Variants in PCMTD1 observed in about 807,000 individuals in gnomAD.
PCMTD1 encodes protein-L-isoaspartate (D-aspartate) O-methyltransferase domain containing 1.
A neutral mutation model predicts 37.6 loss-of-function variants in PCMTD1; 12 were observed. The observed-to-expected ratio is 0.32, with a 90% CI of 0.20 to 0.52. The LOEUF (loss-of-function observed/expected upper bound fraction) is 0.52, where lower values mean the gene tolerates loss of function less well. Ranked by LOEUF, PCMTD1 falls within the 20% of genes least tolerant of loss-of-function variation. The probability of loss-of-function intolerance (pLI) is 0.97; values close to 1 mark genes in which losing one functional copy is unlikely to be tolerated. For missense variants in PCMTD1, 235 were observed against 421.3 expected (o/e 0.56, Z 3.87); for synonymous variants, 117 against 135.8 (o/e 0.86, Z 0.96).
intron 5 of PCMTD1, among the ~76,000 whole-genome samples, chr8:51,821,712 A>G (rs1048304510): frequency 2.0e-5 from 3 of 151,864 alleles, no homozygotes; most frequent in African/African-American, 7.3e-5. Flanking sequence ...AACGCCAATG[A>G]TATGATAGAA....
intron 2 of PCMTD1, chr8:51,849,912 A>G (rs1006449897): frequency 1.6e-6 from 1 of 613,196 alleles, no homozygotes; most frequent in Non-Finnish European, 2.9e-6. Context: ...CAGACCAAGG[A>G]AACCTGAGAG....
chr8:51,820,780 A>AT (rs35006940), intron 5 of PCMTD1, 62 bp from the exon 6 acceptor site: 1,153,143 of 1,359,846 alleles, frequency 0.85, 506,792 homozygotes, highest in Non-Finnish European at 0.9. Context: ...TCTATTGTTT[A>AT]TTTTTTTCAT....
intron 1 of PCMTD1, among the ~76,000 whole-genome samples, chr8:51,863,162 T>G (rs1366702596): frequency 6.6e-6 from 1 of 152,208 alleles, no homozygotes; most frequent in African/African-American, 2.4e-5. Context: ...GTATCCAGTG[T>G]GGCATTTGCC....
At chr8:51,896,366 T>C (rs1279939802) in intron 1 of PCMTD1, 2 of 152,226 alleles carry the variant, frequency 1.3e-5, no homozygotes, top group African/African-American at 4.8e-5. Flanking sequence ...CCAAATATTT[T>C]AAAATACCAA....
At chr8:51,856,217 A>T (rs2038386138) in intron 2 of PCMTD1, among the ~76,000 whole-genome samples, 1 of 152,204 alleles carries the variant, frequency 6.6e-6, no homozygotes, top group Non-Finnish European at 1.5e-5. Context: ...TTGACTAGTC[A>T]TGTCACCAAA....
intron 3 of PCMTD1, among the ~76,000 whole-genome samples, chr8:51,843,766 G>C (rs1252926544): frequency 2.6e-5 from 4 of 152,086 alleles, no homozygotes; most frequent in Non-Finnish European, 5.9e-5. Context: ...CAATAAGCTT[G>C]AGCTCCACAG....
At position 51,831,337 on chromosome 8, in the gene PCMTD1, A is replaced by C. The variant is rs559767252; in HGVS notation, c.706+107T>G. 6.1e-6 allele frequency: 7 copies of C among 1,141,590 alleles called. No individual in the cohort carries two copies. The South Asian group carries it at 1.3e-4, about 21-fold the overall frequency. 70.7% of individuals were successfully genotyped at this position (1,141,590 alleles called of 1,614,324 possible). On this transcript the variant is annotated intron_variant, in intron 5 of 5. Coordinates refer to ENST00000522514, the MANE Select transcript of PCMTD1 (RefSeq NM_052937.4). ...GTTGAATAAATCCACCAAATATCTT[A>C]CTGCATAAGTATTTAATTCTTCATA...
chr8:51,865,762 G>T (rs1305603287), intron 1 of PCMTD1, among the ~76,000 whole-genome samples: 1 of 151,614 alleles, frequency 6.6e-6, no homozygotes, highest in Non-Finnish European at 1.5e-5. Context: ...TCAGGAATAA[G>T]GATTTCTATT....
Position 51,817,871 on chromosome 8 carries a change from T to TA in PCMTD1, c.*2479dup, listed in dbSNP as rs1398580681. 6.6e-6 allele frequency: 3 copies of TA among 456,692 alleles called. No individual in the cohort carries two copies. The highest frequency in any genetic ancestry group is 6.0e-5 in the African/African-American group (3 of 50,114). The allele number at this position is 456,692 out of a possible 1,614,324, so 28.3% of individuals were successfully genotyped here. ...TAGAAGCTATCTTAGGCCCTGTCTC[T>TA]AACTCACTGTATGTTTCAGGCAAAA... On this transcript the variant is annotated 3_prime_UTR_variant, in exon 6 of 6. Transcript: ENST00000522514.
chr8:51,831,025 G>A (rs1013305392), intron 5 of PCMTD1, among the ~76,000 whole-genome samples: 5 of 151,720 alleles, frequency 3.3e-5, no homozygotes, highest in African/African-American at 1.2e-4. Context: ...GGCCCAGTGC[G>A]GGTGGCTCAC....
intron 1 of PCMTD1, among the ~76,000 whole-genome samples, chr8:51,886,972 T>TC (rs398112465): frequency 1.4e-5 from 2 of 143,454 alleles, no homozygotes; most frequent in East Asian, 2.1e-4. Flanking sequence ...TTTTTTTTTT[T>TC]CTCTCTTGCC....
In PCMTD1 at chr8:51,818,557, A is replaced by G. The variant is rs2037795925; in HGVS notation, c.*1794T>C. On this transcript the variant is annotated 3_prime_UTR_variant, in exon 6 of 6. Coordinates refer to ENST00000522514, the MANE Select transcript of PCMTD1 (RefSeq NM_052937.4). ...TCAAAATAAAATGAGCATTTCTGAC[A>G]GATGACAACAGTATGAAACTGATTT... 6.6e-6 allele frequency: 1 copy of G among 152,446 alleles called. No individual in the cohort carries two copies. The highest frequency in any genetic ancestry group is 6.5e-5 in the Admixed American group (1 of 15,298). The allele number at this position is 152,446 out of a possible 1,614,324, so 9.4% of individuals were successfully genotyped here. A position where few individuals can be genotyped will look rare whatever the true frequency, so the allele number is the denominator to read the frequency against.
chr8:51,848,705 G>A (rs962571691), intron 2 of PCMTD1, among the ~76,000 whole-genome samples: 1 of 151,986 alleles, frequency 6.6e-6, no homozygotes, highest in Non-Finnish European at 1.5e-5. Context: ...ATTTAATAAT[G>A]AAAGATAAAG....
At chr8:51,848,076 C>CTGT (rs1394645430) in intron 2 of PCMTD1, among the ~76,000 whole-genome samples, 5 of 142,286 alleles carry the variant, frequency 3.5e-5, no homozygotes, top group African/African-American at 1.5e-4. Flanking sequence ...CAGAGAGAGA[C>CTGT]CGTGGTTTTG....
intron 3 of PCMTD1, 131 bp downstream of exon 3, chr8:51,845,530 C>T: frequency 1.8e-6 from 1 of 553,944 alleles, no homozygotes; most frequent in Non-Finnish European, 3.2e-6. Flanking sequence ...AACTTTTTCT[C>T]ATTTTATGGT....
At chr8:51,876,702 G>A (rs13280413) in intron 1 of PCMTD1, among the ~76,000 whole-genome samples, 104,507 of 152,134 alleles carry the variant, frequency 0.69, 42,375 homozygotes, top group Non-Finnish European at 0.9. Flanking sequence ...AGAGTCCTCT[G>A]TTGGCCAAAC....
intron 1 of PCMTD1, among the ~76,000 whole-genome samples, chr8:51,878,754 CAAAT>C (rs1433649957): frequency 1.3e-5 from 2 of 151,984 alleles, no homozygotes; most frequent in African/African-American, 2.4e-5. Context: ...GTCTCAAAAA[CAAAT>C]AAAGCCTAAG....
chr8:51,895,938 C>CTTTTTTTTTT (rs869265261), intron 1 of PCMTD1: 3 of 25,736 alleles, frequency 1.2e-4, no homozygotes, highest in Non-Finnish European at 2.2e-4. Context: ...TGTCCCATTT[C>CTTTTTTTTTT]TTTTTTTTTT....
chr8:51,831,433 G>C lies in PCMTD1; in HGVS notation c.706+11C>G. On this transcript the variant is annotated intron_variant, in intron 5 of 5. Coordinates refer to ENST00000522514, the MANE Select transcript of PCMTD1 (RefSeq NM_052937.4). ...TCATAATTCAATCAGAAAATATGAA[G>C]AGCTACTTACGGAGTCCCACAGAAT... The C allele has an allele frequency of 6.2e-7, 1 of 1,610,364 alleles. No individual in the cohort carries two copies. Among genetic ancestry groups the C allele is most frequent in the South Asian group, 1.1e-5 (1 of 90,476 alleles).
Sources: gnomAD v4.1 joint callset for allele counts (sites outside exome capture counted in the v4.1 genomes callset) on GRCh38, gnomAD v4.1.1 for gene constraint, MANE v1.5 for transcripts, NCBI Gene and HGNC (gene_info 2026-07-23, HGNC 2026-07-21) for gene names.